KCTD1: variants seen among roughly 807,000 people sequenced by gnomAD.
KCTD1 encodes the protein potassium channel tetramerization domain containing 1.
In KCTD1, 24 loss-of-function variants were observed where a neutral mutation model predicts 66.0. The observed-to-expected ratio is 0.36, with a 90% CI of 0.26 to 0.51. KCTD1 has a LOEUF of 0.51. Among genes scored for constraint, KCTD1 ranks in the 20% least tolerant of loss-of-function variants. The pLI, the probability that KCTD1 is intolerant of heterozygous loss-of-function variation, is 0.95. For missense variants in KCTD1, 943 were observed against 1,205.2 expected, an observed-to-expected ratio of 0.78 and a Z score of 3.22; for synonymous variants, 511 against 517.2, an observed-to-expected ratio of 0.99 and a Z score of 0.16.
intron 3 of KCTD1, among the ~76,000 whole-genome samples, chr18:26,473,023 G>A (rs1212663222): frequency 1.3e-5 from 2 of 152,208 alleles, no homozygotes; most frequent in Non-Finnish European, 2.9e-5. Context: ...CCTTGGGCCT[G>A]CAGAGTGTTG....
At chr18:26,629,724 C>CTTTTT (rs11379360), upstream of KCTD1, among the ~76,000 whole-genome samples, 11 of 144,986 alleles carry the variant, frequency 7.6e-5, no homozygotes, top group African/African-American at 2.3e-4. Flanking sequence ...ACCCCCCCGC[C>CTTTTT]TTTTTTTTTT....
intron 1 of KCTD1, among the ~76,000 whole-genome samples, chr18:26,621,774 C>G (rs1385754845): frequency 6.6e-6 from 1 of 152,224 alleles, no homozygotes; most frequent in African/African-American, 2.4e-5. Flanking sequence ...ACCCTTCTTT[C>G]ACAGTGTCAT....
chr18:26,650,760 C>T (rs1988015710), intron 1 of KCTD1, among the ~76,000 whole-genome samples: 1 of 152,222 alleles, frequency 6.6e-6, no homozygotes, highest in African/African-American at 2.4e-5. Context: ...TTTTCTGTTC[C>T]ATTGGCTACA....
At chr18:26,551,991 A>C (rs1335172076), upstream of KCTD1, among the ~76,000 whole-genome samples, 5 of 152,170 alleles carry the variant, frequency 3.3e-5, no homozygotes, top group African/African-American at 1.2e-4. Flanking sequence ...CTTCTTTATA[A>C]TCCCAGTACT....
chr18:26,643,761 G>A (rs998262360), upstream of KCTD1, among the ~76,000 whole-genome samples: 1 of 152,156 alleles, frequency 6.6e-6, no homozygotes, highest in Non-Finnish European at 1.5e-5. Context: ...AGGAGATGGA[G>A]ACCATCCTGG....
At chr18:26,467,884 G>T (rs1317056592) in intron 3 of KCTD1, among the ~76,000 whole-genome samples, 3 of 152,180 alleles carry the variant, frequency 2.0e-5, no homozygotes, top group African/African-American at 7.2e-5. Context: ...CCAGGGCTAG[G>T]TAAGTTGGGA....
chr18:26,597,966 A>T (rs1986806786), intron 1 of KCTD1, among the ~76,000 whole-genome samples: 1 of 152,084 alleles, frequency 6.6e-6, no homozygotes, highest in Admixed American at 6.6e-5. Flanking sequence ...TGGCTTCTAG[A>T]TACTATTGCT....
chr18:26,626,504 C>CT (rs1987505437), intron 1 of KCTD1, among the ~76,000 whole-genome samples: 2 of 123,544 alleles, frequency 1.6e-5, no homozygotes, highest in African/African-American at 6.1e-5. Flanking sequence ...GAGGCAAGGT[C>CT]TTGCTCCATC....
At chr18:26,619,200 T>C (rs1987320194) in intron 1 of KCTD1, among the ~76,000 whole-genome samples, 2 of 152,338 alleles carry the variant, frequency 1.3e-5, no homozygotes, top group African/African-American at 4.8e-5. Flanking sequence ...GTTTCTTCTA[T>C]ACAGGAGCTA....
chr18:26,462,594 C>T (rs1040614857), intron 3 of KCTD1, among the ~76,000 whole-genome samples: 1 of 152,198 alleles, frequency 6.6e-6, no homozygotes, highest in African/African-American at 2.4e-5. Context: ...TGCTGCGTTA[C>T]CATTTTCTGC....
At chr18:26,593,351 G>GGAGGAGGAA (rs1986660515) in intron 1 of KCTD1, among the ~76,000 whole-genome samples, 4 of 43,926 alleles carry the variant, frequency 9.1e-5, no homozygotes, top group South Asian at 1.6e-3. Flanking sequence ...AGGAAGAGGA[G>GGAGGAGGAA]GAGGAGGAAG....
At chr18:26,562,242 ATTTG>A (rs966131309) in intron 1 of KCTD1, among the ~76,000 whole-genome samples, 13 of 151,680 alleles carry the variant, frequency 8.6e-5, no homozygotes, top group Admixed American at 2.0e-4. Context: ...GTGTCTCAAG[ATTTG>A]TTTGTTTGTT....
chr18:26,504,604 C>T (rs1468820185), intron 1 of KCTD1, among the ~76,000 whole-genome samples: 1 of 152,054 alleles, frequency 6.6e-6, no homozygotes, highest in East Asian at 1.9e-4. Flanking sequence ...AACTCCTGGC[C>T]TCAAGCAATC....
intron 1 of KCTD1, among the ~76,000 whole-genome samples, chr18:26,605,361 C>T (rs1291505056): frequency 6.6e-6 from 1 of 152,152 alleles, no homozygotes; most frequent in Non-Finnish European, 1.5e-5. Context: ...CACCCTTTTT[C>T]CTTTGCCATT....
chr18:26,619,653 G>A (rs1035047510), intron 1 of KCTD1, among the ~76,000 whole-genome samples: 1 of 152,208 alleles, frequency 6.6e-6, no homozygotes, highest in Non-Finnish European at 1.5e-5. Flanking sequence ...CTGGAATCAA[G>A]CCTGGGCAAT....
intron 1 of KCTD1, among the ~76,000 whole-genome samples, chr18:26,530,285 T>C (rs865989181): frequency 2.0e-5 from 3 of 152,302 alleles, no homozygotes; most frequent in Middle Eastern, 3.4e-3. Flanking sequence ...TCTGAACCTC[T>C]ATAATACAGT....
intron 1 of KCTD1, among the ~76,000 whole-genome samples, chr18:26,647,519 CAAAAAAAAAAAAAAAAAAAAAA>C (rs57856118): frequency 5.2e-5 from 3 of 57,306 alleles, no homozygotes; most frequent in Non-Finnish European, 6.5e-5. Flanking sequence ...GACTCCATCT[CAAAAAAAAAAAAAAAAAAAAAA>C]AAAAAAAAAA....
rs141014597 is a variant in KCTD1, at chr18:26,465,603, C to T, written c.2134-5678G>A. 3.6e-3 allele frequency among the ~76,000 whole-genome samples: 544 copies of T among 152,348 alleles called. 6 individuals are homozygous for T. Among genetic ancestry groups the T allele is most frequent in the African/African-American group, 0.012 (501 of 41,576 alleles). On this transcript the variant is annotated intron_variant, in intron 3 of 4. Transcript: ENST00000580059. ...GGAAGCAGCAGCAGTGTCCCGTCTA[C>T]GCCCTGCCACTGTCTCCACTCCCAT...
At chr18:26,599,715 A>G in intron 1 of KCTD1, 1 of 1,545,224 alleles carries the variant, frequency 6.5e-7, no homozygotes, top group Non-Finnish European at 8.9e-7. Context: ...ACAGCTGTAG[A>G]TAACAATAGC....
Sources: gnomAD v4.1 joint callset for allele counts (sites outside exome capture counted in the v4.1 genomes callset) on GRCh38, gnomAD v4.1.1 for gene constraint, MANE v1.5 for transcripts, NCBI Gene and HGNC (gene_info 2026-07-23, HGNC 2026-07-21) for gene names.